RBFOX1: variants seen among roughly 807,000 people sequenced by gnomAD.
RBFOX1 encodes RNA binding protein fox-1 homolog 1.
A neutral mutation model predicts 57.7 loss-of-function variants in RBFOX1; 8 were observed. That is an observed-to-expected ratio of 0.14 (90% CI 0.08 to 0.25). RBFOX1 has a LOEUF of 0.25. Among genes scored for constraint, RBFOX1 ranks in the 10% least tolerant of loss-of-function variants. RBFOX1 has a pLI of 1.00. For synonymous variants in RBFOX1, 326 were observed against 222.4 expected, an observed-to-expected ratio of 1.47 and a Z score of -4.15; for missense variants, 611 against 548.5, an observed-to-expected ratio of 1.11 and a Z score of -1.14.
At chr16:6,614,541 T>C (rs1456331792) in intron 2 of RBFOX1, among the ~76,000 whole-genome samples, 1 of 152,164 alleles carries the variant, frequency 6.6e-6, no homozygotes, top group Non-Finnish European at 1.5e-5. Flanking sequence ...TATCACAGAC[T>C]GGACGACTTA....
At chr16:6,212,655 T>C (rs995362877) in intron 1 of RBFOX1, among the ~76,000 whole-genome samples, 9 of 151,946 alleles carry the variant, frequency 5.9e-5, no homozygotes, top group Admixed American at 5.3e-4. Context: ...TGCAGTGAGC[T>C]GAGATCGTGC....
chr16:6,833,358 G>A (rs1031037633), intron 3 of RBFOX1, among the ~76,000 whole-genome samples: 2 of 139,244 alleles, frequency 1.4e-5, no homozygotes, highest in Non-Finnish European at 3.0e-5. Context: ...GTAGAGACAG[G>A]GTTTCACCAT....
chr16:7,609,053 G>A (rs759912976), intron 10 of RBFOX1, among the ~76,000 whole-genome samples: 6 of 152,210 alleles, frequency 3.9e-5, no homozygotes, highest in Non-Finnish European at 8.8e-5. Flanking sequence ...GTGCAAAGCT[G>A]CAAGGAAATC....
chr16:6,205,709 A>G lies in RBFOX1; in HGVS notation c.-126-111286A>G, dbSNP rs1047056644. ...CTGATAGGCACTCTCTCTTTTTTCTATTTCTTTGTATAAAAATGGAAAGTG... is the reference window on the plus strand; with the variant it reads ...CTGATAGGCACTCTCTCTTTTTTCTGTTTCTTTGTATAAAAATGGAAAGTG... On this transcript the variant is annotated intron_variant, in intron 1 of 15. Coordinates refer to ENST00000550418, the MANE Select transcript of RBFOX1 (RefSeq NM_018723.4). 3.3e-5 allele frequency among the ~76,000 whole-genome samples: 5 copies of G among 151,378 alleles called. No individual in the cohort carries two copies. The South Asian group carries it at 6.3e-4, about 19-fold the overall frequency.
intron 3 of RBFOX1, among the ~76,000 whole-genome samples, chr16:5,851,521 C>T (rs1232227066): frequency 6.6e-6 from 1 of 152,184 alleles, no homozygotes; most frequent in Admixed American, 6.5e-5. Context: ...TCAGGGGTCA[C>T]TGGGCAGGAC....
At chr16:6,590,772 G>C (rs916490504) in intron 2 of RBFOX1, among the ~76,000 whole-genome samples, 2 of 152,156 alleles carry the variant, frequency 1.3e-5, no homozygotes, top group Admixed American at 6.5e-5. Flanking sequence ...GTTGGGATGG[G>C]TGTTTGATAA....
intron 4 of RBFOX1, among the ~76,000 whole-genome samples, chr16:7,400,770 A>G (rs1233347099): frequency 6.6e-6 from 1 of 152,134 alleles, no homozygotes; most frequent in East Asian, 1.9e-4. Context: ...TTAAAAATGG[A>G]TTTCAGTTCC....
chr16:6,017,396 A>G (rs1016172499), upstream of RBFOX1, among the ~76,000 whole-genome samples: 1 of 152,172 alleles, frequency 6.6e-6, no homozygotes, highest in Non-Finnish European at 1.5e-5. Context: ...ATGGCTAGAC[A>G]ATTACATTTA....
chr16:7,476,283 A>G (rs2062689242), intron 4 of RBFOX1, among the ~76,000 whole-genome samples: 1 of 152,192 alleles, frequency 6.6e-6, no homozygotes, highest in African/African-American at 2.4e-5. Flanking sequence ...TAGTCAGAAT[A>G]TTTGTTTGAA....
In RBFOX1 at chr16:7,131,186, A is replaced by G. The variant is rs374107264; in HGVS notation, c.27+79088A>G. Among the ~76,000 whole-genome samples the G allele has an allele frequency of 1.8e-4, 27 of 151,932 alleles. No individual in the cohort carries two copies. The East Asian group carries it at 4.7e-3, about 26-fold the overall frequency. On this transcript the variant is annotated intron_variant, in intron 4 of 15. Transcript: ENST00000550418. Reference sequence around the variant, plus strand: ...ATGGTGAAACCACATCTCTACTAAAAATACAAAAAGTTAGCCAGGTGTGGT... The same window carrying G: ...ATGGTGAAACCACATCTCTACTAAAGATACAAAAAGTTAGCCAGGTGTGGT...
chr16:5,330,564 C>A (rs1201290606), intron 1 of RBFOX1, among the ~76,000 whole-genome samples: 1 of 151,956 alleles, frequency 6.6e-6, no homozygotes, highest in African/African-American at 2.4e-5. Context: ...GCTACCATGC[C>A]CGGCTAATTT....
intron 3 of RBFOX1, among the ~76,000 whole-genome samples, chr16:5,689,384 T>C (rs778358535): frequency 2.0e-5 from 3 of 152,116 alleles, no homozygotes; most frequent in Non-Finnish European, 2.9e-5. Context: ...CAGGAAGCAA[T>C]TGGTAAATGG....
intron 12 of RBFOX1, among the ~76,000 whole-genome samples, chr16:7,654,158 C>G (rs956317287): frequency 6.6e-6 from 1 of 152,188 alleles, no homozygotes; most frequent in Non-Finnish European, 1.5e-5. Flanking sequence ...TGGTTGGTGC[C>G]TTTAAGCATT....
chr16:7,693,759 T>C (rs1249264771), intron 14 of RBFOX1, among the ~76,000 whole-genome samples: 1 of 152,134 alleles, frequency 6.6e-6, no homozygotes, highest in African/African-American at 2.4e-5. Context: ...GACTGATGTG[T>C]GAATTATTTG....
chr16:7,070,610 A>T (rs1366035767), intron 4 of RBFOX1, among the ~76,000 whole-genome samples: 3 of 152,216 alleles, frequency 2.0e-5, no homozygotes, highest in Admixed American at 6.5e-5. Context: ...GGTTTTGATT[A>T]ACCTGGGTTT....
At chr16:5,514,182 G>A (rs2043705523) in intron 2 of RBFOX1, among the ~76,000 whole-genome samples, 1 of 152,132 alleles carries the variant, frequency 6.6e-6, no homozygotes, top group Non-Finnish European at 1.5e-5. Context: ...TGAGTCAGCT[G>A]GCAATCCTGC....
intron 3 of RBFOX1, among the ~76,000 whole-genome samples, chr16:5,671,165 G>A (rs1330410379): frequency 6.6e-6 from 1 of 152,164 alleles, no homozygotes; most frequent in African/African-American, 2.4e-5. Context: ...GTGCCCAGTG[G>A]ATGCTATTTC....
intron 3 of RBFOX1, among the ~76,000 whole-genome samples, chr16:5,813,008 C>CTTT (rs565304481): frequency 2.9e-5 from 4 of 135,938 alleles, no homozygotes; most frequent in South Asian, 2.3e-4. Flanking sequence ...CCTTTAACCA[C>CTTT]TTTTTTTTTT....
intron 1 of RBFOX1, among the ~76,000 whole-genome samples, chr16:6,264,479 C>T (rs2097720975): frequency 1.3e-5 from 2 of 152,154 alleles, no homozygotes; most frequent in African/African-American, 4.8e-5. Context: ...GCTGGTAGGA[C>T]AGTGAGTGAT....
Sources: allele counts gnomAD v4.1 joint callset (sites outside exome capture counted in the v4.1 genomes callset), GRCh38; gene constraint gnomAD v4.1.1; transcripts MANE v1.5; gene names NCBI Gene and HGNC (gene_info 2026-07-23, HGNC 2026-07-21).